The following ITGA9 variants were observed in gnomAD, a reference collection of about 807,000 sequenced individuals.
The protein encoded by ITGA9 is integrin subunit alpha 9.
Under a neutral mutation model 127.8 loss-of-function variants are expected in ITGA9, and 56 were observed. That is an observed-to-expected ratio of 0.44 (90% CI 0.35 to 0.55). The LOEUF is 0.55. Among genes scored for constraint, ITGA9 ranks in the 20% least tolerant of loss-of-function variants. ITGA9 has a pLI of 0.00. For synonymous variants in ITGA9, 508 were observed against 514.5 expected, an observed-to-expected ratio of 0.99 and a Z score of 0.17; for missense variants, 1,196 against 1,347.1, an observed-to-expected ratio of 0.89 and a Z score of 1.76.
At chr3:37,550,934 G>T (rs1031485093) in intron 15 of ITGA9, among the ~76,000 whole-genome samples, 1 of 152,088 alleles carries the variant, frequency 6.6e-6, no homozygotes, top group African/African-American at 2.4e-5. Context: ...TGGGTATATC[G>T]CATACTGGTG....
intron 8 of ITGA9, among the ~76,000 whole-genome samples, chr3:37,513,016 C>G (rs1335770865): frequency 1.3e-5 from 2 of 152,212 alleles, no homozygotes; most frequent in Non-Finnish European, 1.5e-5. Context: ...TTTTCTGTCA[C>G]TTCAGCTCAT....
intron 1 of ITGA9, among the ~76,000 whole-genome samples, chr3:37,470,140 G>GGT (rs376037522): frequency 1.5e-5 from 2 of 133,078 alleles, no homozygotes; most frequent in South Asian, 4.7e-4. Context: ...GTTTCTTCTT[G>GGT]TTTTTTTTTT....
chr3:37,462,420 C>A lies in ITGA9; in HGVS notation c.186-8587C>A, dbSNP rs139099981. ...CAGGATAAAAATTATTATTGCCAAC[C>A]TTTTATGAATACTTTCTATATGCCA... On this transcript the variant is annotated intron_variant, in intron 1 of 27. Transcript: ENST00000264741. Among the ~76,000 whole-genome samples the A allele has an allele frequency of 2.4e-4, 37 of 152,364 alleles. No individual in the cohort carries two copies. The East Asian group carries it at 6.0e-3, about 25-fold the overall frequency.
At chr3:37,505,080 C>T (rs912373085) in intron 6 of ITGA9, among the ~76,000 whole-genome samples, 3 of 152,178 alleles carry the variant, frequency 2.0e-5, no homozygotes, top group Non-Finnish European at 2.9e-5. Context: ...TCCACCCATC[C>T]ATCTACCCAA....
rs572182321 is a variant in ITGA9 at position 37,616,657 on chromosome 3, G to T, written c.1690-12530G>T. Among the ~76,000 whole-genome samples the T allele has an allele frequency of 1.3e-3, 205 of 152,220 alleles. 1 individual carries two copies. Among genetic ancestry groups the T allele is most frequent in the African/African-American group, 4.7e-3 (197 of 41,526 alleles). Reference sequence around the variant, plus strand: ...ATGAATCTGGGTGCTCCTGTATTGGGTGCATATATATTTAGGATAGTTAGC... The same window carrying T: ...ATGAATCTGGGTGCTCCTGTATTGGTTGCATATATATTTAGGATAGTTAGC... On this transcript the variant is annotated intron_variant, in intron 15 of 27. Transcript: ENST00000264741.
At chr3:37,475,487 C>A (rs1698483895) in intron 3 of ITGA9, among the ~76,000 whole-genome samples, 2 of 152,160 alleles carry the variant, frequency 1.3e-5, no homozygotes, top group African/African-American at 4.8e-5. Flanking sequence ...CAGTGAACAG[C>A]AATGAGGACC....
At chr3:37,484,618 A>C (rs1698590577) in intron 4 of ITGA9, among the ~76,000 whole-genome samples, 1 of 152,086 alleles carries the variant, frequency 6.6e-6, no homozygotes, top group Non-Finnish European at 1.5e-5. Context: ...TGAGGTCCAG[A>C]GAGGTGATGG....
intron 23 of ITGA9, among the ~76,000 whole-genome samples, chr3:37,755,762 A>C (rs1213052308): frequency 6.6e-6 from 1 of 152,120 alleles, no homozygotes; most frequent in African/African-American, 2.4e-5. Flanking sequence ...ATAATATAAG[A>C]GTTAGAAGTC....
chr3:37,782,107 C>T (rs963192262), intron 25 of ITGA9, among the ~76,000 whole-genome samples: 2 of 152,240 alleles, frequency 1.3e-5, no homozygotes, highest in Non-Finnish European at 2.9e-5. Context: ...TGGAGAAGTA[C>T]CTTCCTGAAA....
chr3:37,701,495 C>T (rs757948776), intron 18 of ITGA9, among the ~76,000 whole-genome samples: 2 of 152,216 alleles, frequency 1.3e-5, no homozygotes, highest in African/African-American at 2.4e-5. Flanking sequence ...ACAGAGCAAG[C>T]TCCTTGGGGT....
chr3:37,714,394 G>A (rs1202487397), intron 18 of ITGA9, among the ~76,000 whole-genome samples: 4 of 152,190 alleles, frequency 2.6e-5, no homozygotes, highest in African/African-American at 9.6e-5. Context: ...CTTGGAGGGA[G>A]GTAACATCTG....
chr3:37,588,364 A>G (rs1299132720), intron 15 of ITGA9, among the ~76,000 whole-genome samples: 3 of 144,278 alleles, frequency 2.1e-5, no homozygotes, highest in Non-Finnish European at 4.6e-5. Flanking sequence ...CCGCATGGCA[A>G]TGGGCCTTCT....
chr3:37,494,662 G>A, intron 5 of ITGA9, 94 bp downstream of exon 5: 3 of 976,032 alleles, frequency 3.1e-6, no homozygotes, highest in Non-Finnish European at 4.9e-6. Flanking sequence ...GGGACTTCTG[G>A]AGTCCCAGAT....
chr3:37,452,553 C>T lies in ITGA9; in HGVS notation c.179C>T (p.Thr60Met), dbSNP rs754291632. 3 of 1,520,074 alleles carry T rather than the reference C, an allele frequency of 2.0e-6. No homozygotes were observed. The highest frequency in any genetic ancestry group is 1.4e-5 in the African/African-American group (1 of 69,392). The allele number at this position is 1,520,074 out of a possible 1,614,324, so 94.2% of individuals were successfully genotyped here. The change falls in exon 1 of 28, where the codon ACG becomes ATG. Residue 60 changes from threonine (T) to methionine (M), a missense_variant. By Grantham distance (81) the Thr-to-Met change is moderately conservative. Coordinates refer to ENST00000264741, the MANE Select transcript of ITGA9 (RefSeq NM_002207.3). This position sits in a 1 kb window ranked among gnomAD's most constrained non-coding sequence, Gnocchi z 7.3. ...GTTCTGGAGCATTTCCACGACAACA[C>T]GCGCTGGTGAGTGCCCGCCCGACTC... ...YAVLEHFHDNTRWVLVGAPKA... is the reference protein window; with the variant it reads ...YAVLEHFHDNMRWVLVGAPKA...
chr3:37,784,734 G>A (rs182824361), intron 25 of ITGA9, among the ~76,000 whole-genome samples: 4 of 152,148 alleles, frequency 2.6e-5, no homozygotes, highest in African/African-American at 9.7e-5. Flanking sequence ...CACATCTTGC[G>A]TGTGTTGATT....
intron 23 of ITGA9, among the ~76,000 whole-genome samples, chr3:37,760,366 G>C (rs1696709986): frequency 1.3e-5 from 2 of 151,850 alleles, no homozygotes; most frequent in Non-Finnish European, 2.9e-5. Flanking sequence ...ACTTGAAGCT[G>C]GATTACAGTA....
At chr3:37,568,508 G>C (rs1003799604) in intron 15 of ITGA9, among the ~76,000 whole-genome samples, 1 of 152,112 alleles carries the variant, frequency 6.6e-6, no homozygotes, top group East Asian at 1.9e-4. Flanking sequence ...CTTTTCTATC[G>C]CATTGTCAGG....
At chr3:37,548,517 A>G (rs1699349679) in intron 15 of ITGA9, among the ~76,000 whole-genome samples, 1 of 152,218 alleles carries the variant, frequency 6.6e-6, no homozygotes, top group African/African-American at 2.4e-5. Context: ...ATATTGGTGC[A>G]TATAGAGCTT....
At chr3:37,461,943 C>T (rs1698320050) in intron 1 of ITGA9, among the ~76,000 whole-genome samples, 1 of 152,150 alleles carries the variant, frequency 6.6e-6, no homozygotes, top group Non-Finnish European at 1.5e-5. Flanking sequence ...TCTACAGTTC[C>T]AGGATGGGAT....
Sources: allele counts gnomAD v4.1 joint callset (sites outside exome capture counted in the v4.1 genomes callset), GRCh38; gene constraint gnomAD v4.1.1; non-coding constraint Gnocchi (gnomAD v3.1); transcripts MANE v1.5; gene names NCBI Gene and HGNC (gene_info 2026-07-23, HGNC 2026-07-21).